Variants in PAFAH1B1 observed in about 807,000 individuals in gnomAD.
The protein encoded by PAFAH1B1 is platelet-activating factor acetylhydrolase IB subunit beta.
In PAFAH1B1, 2 loss-of-function variants were observed where a neutral mutation model predicts 57.5. The ratio of observed to expected loss-of-function variants is 0.03; its 90% CI spans 0.01 to 0.11. The LOEUF (loss-of-function observed/expected upper bound fraction) is 0.11, where lower values mean the gene tolerates loss of function less well. Ranked by LOEUF, PAFAH1B1 falls within the 10% of genes least tolerant of loss-of-function variation. The pLI, the probability that PAFAH1B1 is intolerant of heterozygous loss-of-function variation, is 1.00. For missense variants in PAFAH1B1, 257 were observed against 512.0 expected, an observed-to-expected ratio of 0.50 and a Z score of 4.81; for synonymous variants, 152 against 169.6, an observed-to-expected ratio of 0.90 and a Z score of 0.81.
chr17:2,618,954 C>CAAAA (rs34683975), intron 1 of PAFAH1B1, among the ~76,000 whole-genome samples: 10 of 76,236 alleles, frequency 1.3e-4, no homozygotes, highest in Admixed American at 4.9e-4. Flanking sequence ...GACTCCGTCT[C>CAAAA]AAAAAAAAAA....
chr17:2,625,908 C>G (rs2068483183), intron 1 of PAFAH1B1, among the ~76,000 whole-genome samples: 1 of 152,042 alleles, frequency 6.6e-6, no homozygotes, highest in East Asian at 1.9e-4. Flanking sequence ...TGCCATTGCT[C>G]TCTAGCCTGA....
At chr17:2,631,510 G>A (rs1158281472) in intron 1 of PAFAH1B1, among the ~76,000 whole-genome samples, 2 of 152,060 alleles carry the variant, frequency 1.3e-5, no homozygotes, top group Non-Finnish European at 2.9e-5. Flanking sequence ...GGGCTGCTTG[G>A]GGATCCAGTG....
In PAFAH1B1 at chr17:2,612,351, G is replaced by A. The variant is rs374653734; in HGVS notation, c.-191+18345G>A. Reference sequence around the variant, plus strand: ...CCCAAGTAGCTAGGACTACAGGCGCGCACCACCACGCCTGGCTAATTTTTT... The same window carrying A: ...CCCAAGTAGCTAGGACTACAGGCGCACACCACCACGCCTGGCTAATTTTTT... On this transcript the variant is annotated intron_variant, in intron 1 of 10. Transcript: ENST00000397195. Among the ~76,000 whole-genome samples the A allele has an allele frequency of 1.2e-3, 181 of 151,724 alleles. 2 individuals are homozygous for A. In the South Asian group the frequency reaches 0.035, roughly 30 times the overall value.
chr17:2,647,860 C>T (rs900569629), intron 2 of PAFAH1B1, among the ~76,000 whole-genome samples: 6 of 151,614 alleles, frequency 4.0e-5, no homozygotes, highest in South Asian at 2.1e-4. Flanking sequence ...AAAAATTAGC[C>T]GGGCATGGTG....
At chr17:2,652,185 C>T (rs1415799775) in intron 2 of PAFAH1B1, among the ~76,000 whole-genome samples, 4 of 151,830 alleles carry the variant, frequency 2.6e-5, no homozygotes, top group African/African-American at 4.8e-5. Context: ...CCAAGGCGGG[C>T]AAATCACGAG....
At chr17:2,638,778 G>A (rs2151634912) in intron 2 of PAFAH1B1, 1 of 175,150 alleles carries the variant, frequency 5.7e-6, no homozygotes, top group South Asian at 1.2e-4. Context: ...AAAGTGCTGG[G>A]ATTACAGGCA....
At position 2,638,114 on chromosome 17, in the gene PAFAH1B1, C is replaced by T; in HGVS notation, c.-175C>T. On this transcript the variant is annotated 5_prime_UTR_variant, in exon 2 of 11. Transcript: ENST00000397195. The stretch of plus-strand genomic sequence containing the variant: ...TTCTCCTTAGGTGGAATGAATCTTA[C>T]TTGTTGAATATCTTCTGGTTACTAG... 1.9e-6 allele frequency: 1 copy of T among 536,862 alleles called. No homozygotes were observed. The highest frequency in any genetic ancestry group is 3.4e-6 in the Non-Finnish European group (1 of 297,382). The allele number at this position is 536,862 out of a possible 1,614,324, so 33.3% of individuals were successfully genotyped here. A position where few individuals can be genotyped will look rare whatever the true frequency, so the allele number is the denominator to read the frequency against.
intron 1 of PAFAH1B1, among the ~76,000 whole-genome samples, chr17:2,601,994 T>TGA (rs2068149473): frequency 1.3e-5 from 2 of 152,232 alleles, no homozygotes; most frequent in Non-Finnish European, 2.9e-5. Flanking sequence ...GTTTATCATA[T>TGA]ATGAATGAAC....
intron 2 of PAFAH1B1, among the ~76,000 whole-genome samples, chr17:2,655,181 A>G (rs1394946588): frequency 8.1e-5 from 10 of 122,752 alleles, no homozygotes; most frequent in African/African-American, 3.3e-4. Context: ...ATATATACAT[A>G]TATGTGTGTG....
chr17:2,648,663 G>A (rs1356900822), intron 2 of PAFAH1B1, among the ~76,000 whole-genome samples: 1 of 143,776 alleles, frequency 7.0e-6, no homozygotes, highest in African/African-American at 2.6e-5. Flanking sequence ...GGGCAACAGA[G>A]TGAGACTCTG....
intron 1 of PAFAH1B1, among the ~76,000 whole-genome samples, chr17:2,600,696 A>G (rs1042689425): frequency 6.6e-6 from 1 of 152,098 alleles, no homozygotes; most frequent in African/African-American, 2.4e-5. Context: ...AGATGGAGAT[A>G]AATGAGTCAG....
At chr17:2,666,620 T>C (rs932374033) in intron 4 of PAFAH1B1, among the ~76,000 whole-genome samples, 2 of 152,162 alleles carry the variant, frequency 1.3e-5, no homozygotes, top group African/African-American at 4.8e-5. Context: ...ATATTATTAT[T>C]ACCATATATA....
chr17:2,621,035 CAA>C (rs979659924), intron 1 of PAFAH1B1, among the ~76,000 whole-genome samples: 24 of 151,690 alleles, frequency 1.6e-4, no homozygotes, highest in African/African-American at 4.1e-4. Context: ...TTGTTGAAAA[CAA>C]GAGTATATCT....
intron 1 of PAFAH1B1, among the ~76,000 whole-genome samples, chr17:2,618,264 T>C (rs1272711054): frequency 2.0e-5 from 3 of 152,116 alleles, no homozygotes; most frequent in Non-Finnish European, 2.9e-5. Flanking sequence ...AACCAAACTT[T>C]CATTTATCAT....
chr17:2,614,622 G>A (rs75543311), intron 1 of PAFAH1B1, among the ~76,000 whole-genome samples: 62 of 152,062 alleles, frequency 4.1e-4, no homozygotes, highest in African/African-American at 1.4e-3. Flanking sequence ...TTGCCTAGGC[G>A]GGAGTGCAGT....
At chr17:2,632,634 A>T (rs1163680708) in intron 1 of PAFAH1B1, among the ~76,000 whole-genome samples, 7 of 152,224 alleles carry the variant, frequency 4.6e-5, no homozygotes. Flanking sequence ...ATATTAGAAA[A>T]AAATATGTCT....
intron 2 of PAFAH1B1, among the ~76,000 whole-genome samples, chr17:2,660,781 TG>T (rs2069003850): frequency 6.6e-6 from 1 of 152,226 alleles, no homozygotes; most frequent in Non-Finnish European, 1.5e-5. Flanking sequence ...ATGGGATTGC[TG>T]GGTCAAATGG....
chr17:2,597,984 C>T (rs780019725), intron 1 of PAFAH1B1, among the ~76,000 whole-genome samples: 6 of 152,004 alleles, frequency 3.9e-5, no homozygotes, highest in Non-Finnish European at 7.4e-5. Context: ...TGGTGGCTCA[C>T]ACTTACACTC....
chr17:2,642,097 A>C (rs1210853614), intron 2 of PAFAH1B1: 1 of 152,222 alleles, frequency 6.6e-6, no homozygotes. Flanking sequence ...ATTAGGCTAC[A>C]GTGATGCTTC....
Sources: gnomAD v4.1 joint callset for allele counts (sites outside exome capture counted in the v4.1 genomes callset) on GRCh38, gnomAD v4.1.1 for gene constraint, MANE v1.5 for transcripts, NCBI Gene and HGNC (gene_info 2026-07-23, HGNC 2026-07-21) for gene names.